The following NRSN2 variants were observed in gnomAD, a reference collection of about 807,000 sequenced individuals.
NRSN2 encodes neurensin 2.
Under a neutral mutation model 11.1 loss-of-function variants are expected in NRSN2, and 10 were observed. That is an observed-to-expected ratio of 0.90 (90% CI 0.56 to 1.53). NRSN2 has a LOEUF of 1.53. NRSN2 is among the 40% of genes most tolerant of loss of function. The probability of loss-of-function intolerance (pLI) is 0.00; values close to 1 mark genes in which losing one functional copy is unlikely to be tolerated. For synonymous variants in NRSN2, 100 were observed against 117.0 expected (o/e 0.86, Z 0.94); for missense variants, 260 against 273.7 (o/e 0.95, Z 0.35).
chr20:353,905 C>T lies in NRSN2; in HGVS notation c.*270C>T, dbSNP rs568175662. ...GGGGCAGAAAACATCTCCTTCAACC[C>T]GTCCCCACTCCTTCCTCTGCATGAC... On this transcript the variant is annotated 3_prime_UTR_variant, in exon 5 of 5. Coordinates refer to ENST00000382285, the MANE Select transcript of NRSN2 (RefSeq NM_001323682.2). The T allele has an allele frequency of 8.8e-5, 44 of 499,758 alleles. No homozygotes were observed. The highest frequency in any genetic ancestry group is 5.1e-4 in the Middle Eastern group (1 of 1,968). 31.0% of individuals were successfully genotyped at this position (499,758 alleles called of 1,614,324 possible). A position where few individuals can be genotyped will look rare whatever the true frequency, so the allele number is the denominator to read the frequency against.
Position 347,705 on chromosome 20 carries a change from G to A in NRSN2, c.-122+193G>A, listed in dbSNP as rs936324282. On this transcript the variant is annotated intron_variant, in intron 2 of 4. Coordinates refer to ENST00000382285, the MANE Select transcript of NRSN2 (RefSeq NM_001323682.2). The surrounding 1 kb of genome is among the most constrained non-coding windows in gnomAD (Gnocchi z 7.0). ...AGATTCCGTCCATCTTCGGGCCCTG[G>A]CTTCCGTCACTTCCGCCCGTGCCTG... 1.3e-5 allele frequency among the ~76,000 whole-genome samples: 2 copies of A among 152,064 alleles called. No homozygotes were observed. Among genetic ancestry groups the A allele is most frequent in the Non-Finnish European group, 2.9e-5 (2 of 67,994 alleles).
chr20:353,610 C>T lies in NRSN2; in HGVS notation c.590C>T (p.Thr197Ile), dbSNP rs1453521692. The T allele has an allele frequency of 6.2e-7, 1 of 1,614,198 alleles. No homozygotes were observed. Among genetic ancestry groups the T allele is most frequent in the Admixed American group, 1.7e-5 (1 of 60,020 alleles). The change falls in exon 5 of 5, where the codon ACT becomes ATT. Residue 197 changes from threonine (T) to isoleucine (I), a missense_variant. By Grantham distance (89) the Thr-to-Ile change is moderately conservative. Transcript: ENST00000382285. ...ASPFGQSSVQTIQPKRDS is the reference protein window; with the variant it reads ...ASPFGQSSVQIIQPKRDS ...CCCTTTGGGCAATCTTCTGTGCAGA[C>T]TATCCAGCCCAAGAGGGACTCCTGA... is the stretch of plus-strand genomic sequence containing the variant.
intron 4 of NRSN2, among the ~76,000 whole-genome samples, chr20:352,981 C>T (rs984512681): frequency 6.6e-6 from 1 of 152,114 alleles, no homozygotes; most frequent in African/African-American, 2.4e-5. Flanking sequence ...GAGAAACCCA[C>T]TGCTAGGTGG....
At chr20:349,512 G>A (rs2013744623) in intron 3 of NRSN2, 126 bp from the exon 4 acceptor site, 3 of 695,284 alleles carry the variant, frequency 4.3e-6, no homozygotes, top group Middle Eastern at 4.1e-4. Context: ...TGTGCTATGC[G>A]TGTAGGGTGT....
In NRSN2 at chr20:354,145, C is replaced by G. The variant is rs1402158428; in HGVS notation, c.*510C>G. 1 of 154,558 alleles carries G rather than the reference C, an allele frequency of 6.5e-6. No homozygotes were observed. The highest frequency in any genetic ancestry group is 2.4e-5 in the African/African-American group (1 of 41,516). The allele number at this position is 154,558 out of a possible 1,614,324, so 9.6% of individuals were successfully genotyped here. A position where few individuals can be genotyped will look rare whatever the true frequency, so the allele number is the denominator to read the frequency against. On this transcript the variant is annotated 3_prime_UTR_variant, in exon 5 of 5. Coordinates refer to ENST00000382285, the MANE Select transcript of NRSN2 (RefSeq NM_001323682.2). ...AAGACGTTTGCCTCTCACAGTGTGT[C>G]TTCTACCTGCATTTTGGCATCAGAG...
Position 353,373 on chromosome 20 carries a change from C to T in NRSN2, c.353C>T (p.Ala118Val), listed in dbSNP as rs756144120. The change falls in exon 5 of 5, where the codon GCA becomes GTA. Residue 118 changes from alanine (A) to valine (V), a missense_variant. Physicochemically the swap from Ala to Val is moderately conservative, Grantham distance 64 (BLOSUM62 0). Transcript: ENST00000382285. ...CAGGCCCTGGGCACCTGTCGCCTGGCAGGCACAGCGCTCTGTGTGGCAGCT... is the reference window on the plus strand; with the variant it reads ...CAGGCCCTGGGCACCTGTCGCCTGGTAGGCACAGCGCTCTGTGTGGCAGCT... ...YNQALGTCRLAGTALCVAAGV... is the reference protein window; with the variant it reads ...YNQALGTCRLVGTALCVAAGV... The T allele has an allele frequency of 3.1e-6, 5 of 1,613,990 alleles. No homozygotes were observed. Among genetic ancestry groups the T allele is most frequent in the Admixed American group, 1.7e-5 (1 of 60,018 alleles).
Position 353,598 on chromosome 20 carries a change from C to G in NRSN2, c.578C>G (p.Ser193Cys). Residue 193 changes from serine (S) to cysteine (C), a missense_variant, in exon 5 of 5, where the codon TCT (serine) becomes TGT (cysteine). Transcript: ENST00000382285. Reference protein sequence around the residue: ...FSPPASPFGQSSVQTIQPKRD... With the variant: ...FSPPASPFGQCSVQTIQPKRD... ...CCACCCGCCAGCCCCTTTGGGCAATCTTCTGTGCAGACTATCCAGCCCAAG... is the reference window on the plus strand; with the variant it reads ...CCACCCGCCAGCCCCTTTGGGCAATGTTCTGTGCAGACTATCCAGCCCAAG... 6.2e-7 allele frequency: 1 copy of G among 1,614,218 alleles called. No individual in the cohort carries two copies. Among genetic ancestry groups the G allele is most frequent in the Non-Finnish European group, 8.5e-7 (1 of 1,180,038 alleles).
chr20:353,768 C>G lies in NRSN2; in HGVS notation c.*133C>G, dbSNP rs2014187064. The G allele has an allele frequency of 2.1e-6, 2 of 950,952 alleles. No individual in the cohort carries two copies. Among genetic ancestry groups the G allele is most frequent in the Admixed American group, 3.0e-5 (1 of 33,222 alleles). The allele number at this position is 950,952 out of a possible 1,614,324, so 58.9% of individuals were successfully genotyped here. ...GCCCAACTCCAGGTCAAATCTGGAGCTCAAATCCCAGTGCTCCCTCCCCAG... is the reference window on the plus strand; with the variant it reads ...GCCCAACTCCAGGTCAAATCTGGAGGTCAAATCCCAGTGCTCCCTCCCCAG... On this transcript the variant is annotated 3_prime_UTR_variant, in exon 5 of 5. Coordinates refer to ENST00000382285, the MANE Select transcript of NRSN2 (RefSeq NM_001323682.2).
chr20:350,715 G>C lies in NRSN2; in HGVS notation c.189+883G>C, dbSNP rs1242506696. On this transcript the variant is annotated intron_variant, in intron 4 of 4. Coordinates refer to ENST00000382285, the MANE Select transcript of NRSN2 (RefSeq NM_001323682.2). ...AAAATGTTGCTCATTTTTTAGAAGAGACCCAAGGTCCAAGGTTGCATACTT... is the reference window on the plus strand; with the variant it reads ...AAAATGTTGCTCATTTTTTAGAAGACACCCAAGGTCCAAGGTTGCATACTT... Among the ~76,000 whole-genome samples, 4 of 129,698 alleles carry C rather than the reference G, an allele frequency of 3.1e-5. No homozygotes were observed. In the Admixed American group the frequency reaches 3.1e-4, roughly 10 times the overall value. 85.1% of individuals were successfully genotyped at this position (129,698 alleles called of 152,430 possible).
At position 349,749 on chromosome 20, in the gene NRSN2, T is replaced by G. The variant is rs769974754; in HGVS notation, c.106T>G (p.Cys36Gly). ...RSYLHLFYED[C>G]AGTALSDDPE... is the part of the protein sequence containing the mutation. ...CTACCTGCACCTCTTCTATGAGGAC[T>G]GTGCAGGCACTGCTCTCAGCGACGA... Residue 36 changes from cysteine to glycine, a missense_variant, in exon 4 of 5, where the codon TGT becomes GGT. Physicochemically the swap from Cys to Gly is radical, Grantham distance 159 (BLOSUM62 -3). Transcript: ENST00000382285. 2 of 1,613,624 alleles carry G rather than the reference T, an allele frequency of 1.2e-6. No homozygotes were observed. The highest frequency in any genetic ancestry group is 2.2e-5 in the South Asian group (2 of 91,076).
chr20:347,198 C>G lies in NRSN2; in HGVS notation c.-201+56C>G, dbSNP rs1391987856. ...GGCCCCAGCCCCAGCCCCTGGAGAA[C>G]CCCCGCGCTCTGCCCGCATCCTCAG... is the stretch of plus-strand genomic sequence containing the variant. On this transcript the variant is annotated intron_variant, in intron 1 of 4. Coordinates refer to ENST00000382285, the MANE Select transcript of NRSN2 (RefSeq NM_001323682.2). The surrounding 1 kb of genome is among the most constrained non-coding windows in gnomAD (Gnocchi z 7.0). 6.6e-6 allele frequency: 1 copy of G among 152,582 alleles called. No individual in the cohort carries two copies. The highest frequency in any genetic ancestry group is 1.5e-5 in the Non-Finnish European group (1 of 68,412). The allele number at this position is 152,582 out of a possible 1,614,324, so 9.5% of individuals were successfully genotyped here.
At chr20:351,081 T>A (rs1361839182) in intron 4 of NRSN2, among the ~76,000 whole-genome samples, 1 of 151,978 alleles carries the variant, frequency 6.6e-6, no homozygotes, top group Admixed American at 6.6e-5. Flanking sequence ...ATACAAAAAT[T>A]AGCTGGGTGT....
intron 2 of NRSN2, among the ~76,000 whole-genome samples, chr20:348,853 GAA>G (rs113478639): frequency 2.9e-5 from 4 of 139,706 alleles, no homozygotes; most frequent in Admixed American, 7.2e-5. Flanking sequence ...CACTTTTGTG[GAA>G]AAAAAAAAAA....
At chr20:350,582 A>C (rs1381884425) in intron 4 of NRSN2, among the ~76,000 whole-genome samples, 1 of 130,044 alleles carries the variant, frequency 7.7e-6, no homozygotes, top group East Asian at 2.8e-4. Context: ...CAGGAGGCAG[A>C]GGTTGCAGTG....
chr20:349,988 T>C (rs2013800096), intron 4 of NRSN2, among the ~76,000 whole-genome samples, 156 bp downstream of exon 4: 1 of 152,218 alleles, frequency 6.6e-6, no homozygotes, highest in African/African-American at 2.4e-5. Context: ...GTTTAAATAA[T>C]GAAGGGAGCC....
At position 353,569 on chromosome 20, in the gene NRSN2, C is replaced by G. The variant is rs764415866; in HGVS notation, c.549C>G (p.Phe183Leu). Residue 183 changes from phenylalanine to leucine, a missense_variant, in exon 5 of 5, where the codon TTC (phenylalanine) becomes TTG (leucine). By Grantham distance (22) the Phe-to-Leu change is conservative (BLOSUM62 0). Coordinates refer to ENST00000382285, the MANE Select transcript of NRSN2 (RefSeq NM_001323682.2). ...GCAATGCCAGTGGCCAGTCATGGTT[C>G]TCGCCACCCGCCAGCCCCTTTGGGC... ...IFRNASGQSW[F>L]SPPASPFGQS... 1.1e-5 allele frequency: 17 copies of G among 1,614,072 alleles called. No individual in the cohort carries two copies. The East Asian group carries it at 3.3e-4, about 32-fold the overall frequency.
intron 4 of NRSN2, among the ~76,000 whole-genome samples, chr20:352,047 C>T (rs947947802): frequency 6.6e-6 from 1 of 152,216 alleles, no homozygotes; most frequent in African/African-American, 2.4e-5. Context: ...CTCATTGGGT[C>T]ACTTGCCAGC....
At chr20:350,720 A>G (rs1265169540) in intron 4 of NRSN2, among the ~76,000 whole-genome samples, 2 of 151,480 alleles carry the variant, frequency 1.3e-5, no homozygotes, top group Non-Finnish European at 2.9e-5. Context: ...GAAGAGACCC[A>G]AGGTCCAAGG....
At chr20:349,924 C>T in intron 4 of NRSN2, 92 bp downstream of exon 4, 3 of 1,282,752 alleles carry the variant, frequency 2.3e-6, no homozygotes, top group Non-Finnish European at 2.2e-6. Flanking sequence ...GAAGAGATAG[C>T]GTAGTAGTTA....
Sources: allele counts gnomAD v4.1 joint callset (sites outside exome capture counted in the v4.1 genomes callset), GRCh38; gene constraint gnomAD v4.1.1; non-coding constraint Gnocchi (gnomAD v3.1); transcripts MANE v1.5; gene names NCBI Gene and HGNC (gene_info 2026-07-23, HGNC 2026-07-21).